NCKAP5: variants seen among roughly 807,000 people sequenced by gnomAD.
NCKAP5 encodes the protein nck-associated protein 5.
NCKAP5 carries 92 observed loss-of-function variants against 167.0 expected under a neutral mutation model. The observed-to-expected ratio is 0.55, with a 90% confidence interval of 0.47 to 0.66. The LOEUF (loss-of-function observed/expected upper bound fraction) is 0.66. Among genes scored for constraint, NCKAP5 ranks in the 30% least tolerant of loss-of-function variants. NCKAP5 has a pLI of 0.00. For synonymous variants in NCKAP5, 891 were observed against 877.4 expected (o/e 1.02, Z -0.27); for missense variants, 2,378 against 2,315.0 (o/e 1.03, Z -0.56).
chr2:133,552,743 A>G (rs944714244), intron 2 of NCKAP5, among the ~76,000 whole-genome samples: 3 of 135,498 alleles, frequency 2.2e-5, no homozygotes, highest in Non-Finnish European at 5.0e-5. Context: ...CTTAAAGTAT[A>G]ATAAAAAAAA....
At chr2:133,249,998 T>TTTATTATTATCATTATTA (rs1553601548) in intron 4 of NCKAP5, among the ~76,000 whole-genome samples, 1 of 138,226 alleles carries the variant, frequency 7.2e-6, no homozygotes, top group Admixed American at 7.3e-5. Flanking sequence ...CACCAAGGGT[T>TTTATTATTATCATTATTA]TTATTATTAT....
intron 11 of NCKAP5, among the ~76,000 whole-genome samples, chr2:132,806,935 G>A (rs1685485746): frequency 6.6e-6 from 1 of 152,088 alleles, no homozygotes; most frequent in South Asian, 2.1e-4. Context: ...ATTTTTGTAT[G>A]AGGCGAGAGG....
intron 11 of NCKAP5, among the ~76,000 whole-genome samples, chr2:132,827,569 G>A (rs776121538): frequency 3.7e-4 from 57 of 152,240 alleles, no homozygotes; most frequent in Non-Finnish European, 7.2e-4. Flanking sequence ...CTATGGGGTG[G>A]ATAGCATTAT....
chr2:133,149,579 C>G (rs17793177), intron 5 of NCKAP5, among the ~76,000 whole-genome samples: 11,724 of 152,056 alleles, frequency 0.077, 611 homozygotes, highest in Non-Finnish European at 0.1. Flanking sequence ...TTAACTACAA[C>G]GATGCCCCAA....
intron 3 of NCKAP5, among the ~76,000 whole-genome samples, chr2:133,358,900 C>G (rs770470785): frequency 2.0e-5 from 3 of 152,086 alleles, no homozygotes; most frequent in African/African-American, 7.2e-5. Flanking sequence ...TTGCAAGAAA[C>G]GTGTTAAAGC....
At chr2:133,475,641 C>T (rs1679816419) in intron 3 of NCKAP5, among the ~76,000 whole-genome samples, 1 of 152,198 alleles carries the variant, frequency 6.6e-6, no homozygotes, top group Non-Finnish European at 1.5e-5. Flanking sequence ...TGGATTTCCT[C>T]AGTGACATGT....
intron 16 of NCKAP5, among the ~76,000 whole-genome samples, chr2:132,732,895 CCACTTAT>C (rs1179264491): frequency 6.6e-6 from 1 of 152,186 alleles, no homozygotes; most frequent in East Asian, 1.9e-4. Context: ...CATCATAACA[CCACTTAT>C]CATGTGGACT....
intron 6 of NCKAP5, among the ~76,000 whole-genome samples, chr2:133,040,735 C>A (rs545082787): frequency 2.6e-5 from 4 of 152,240 alleles, no homozygotes; most frequent in East Asian, 3.9e-4. Flanking sequence ...GGCATCTTAT[C>A]TCAGGCATCT....
At chr2:133,008,493 G>A (rs1189781168) in intron 6 of NCKAP5, among the ~76,000 whole-genome samples, 1 of 152,202 alleles carries the variant, frequency 6.6e-6, no homozygotes, top group Non-Finnish European at 1.5e-5. Context: ...TGGAAAAGCA[G>A]CCTGTACTTG....
At chr2:133,558,477 C>T (rs937992408) in intron 2 of NCKAP5, among the ~76,000 whole-genome samples, 2 of 151,754 alleles carry the variant, frequency 1.3e-5, no homozygotes, top group African/African-American at 4.8e-5. Context: ...AGGAAGGGAG[C>T]AGCCAGGGAA....
At chr2:132,790,244 A>G (rs759998780) in intron 12 of NCKAP5, 39 bp from the exon 13 acceptor site, 27 of 1,559,016 alleles carry the variant, frequency 1.7e-5, no homozygotes. Context: ...GGCTTTGCTC[A>G]GAGGAGAGTA....
chr2:133,595,680 A>T, the NCKAP5 span, among the ~76,000 whole-genome samples: 1 of 152,034 alleles, frequency 6.6e-6, no homozygotes, highest in Non-Finnish European at 1.5e-5. Context: ...CAAGGTTACC[A>T]AACTGTTTCT....
intron 5 of NCKAP5, among the ~76,000 whole-genome samples, chr2:133,212,093 G>A (rs2086234355): frequency 1.3e-5 from 2 of 152,164 alleles, no homozygotes; most frequent in African/African-American, 4.8e-5. Context: ...GATCCACTAA[G>A]TTAAAGGAAT....
At chr2:132,715,744 G>A (rs900177752) in intron 19 of NCKAP5, among the ~76,000 whole-genome samples, 3 of 152,218 alleles carry the variant, frequency 2.0e-5, no homozygotes, top group African/African-American at 4.8e-5. Flanking sequence ...AAGTCTGAAA[G>A]TCCCAGACAG....
chr2:132,867,250 G>A (rs1690429491), intron 10 of NCKAP5, among the ~76,000 whole-genome samples: 1 of 152,028 alleles, frequency 6.6e-6, no homozygotes, highest in Non-Finnish European at 1.5e-5. Context: ...GTTGTACACA[G>A]AGCTGCAATA....
chr2:133,104,700 C>T (rs747130336), intron 6 of NCKAP5, among the ~76,000 whole-genome samples: 1 of 152,204 alleles, frequency 6.6e-6, no homozygotes, highest in Non-Finnish European at 1.5e-5. Context: ...ACAAAGGTAT[C>T]CTTATTCATC....
chr2:132,812,060 T>C (rs780862608), intron 11 of NCKAP5, among the ~76,000 whole-genome samples: 8 of 152,192 alleles, frequency 5.3e-5, no homozygotes, highest in Non-Finnish European at 1.0e-4. Context: ...TGGTGGTGTG[T>C]GTTTGGGAGA....
At chr2:132,696,349 T>A (rs1224559997) in intron 19 of NCKAP5, among the ~76,000 whole-genome samples, 3 of 152,230 alleles carry the variant, frequency 2.0e-5, no homozygotes, top group African/African-American at 7.2e-5. Flanking sequence ...GTTAATGCTA[T>A]TATTATTTTT....
At chr2:133,066,223 C>T (rs2080190467) in intron 6 of NCKAP5, among the ~76,000 whole-genome samples, 1 of 152,212 alleles carries the variant, frequency 6.6e-6, no homozygotes, top group South Asian at 2.1e-4. Context: ...AATTACCAAA[C>T]TGTAGAAGCT....
Sources: gnomAD v4.1 joint callset for allele counts (sites outside exome capture counted in the v4.1 genomes callset) on GRCh38, gnomAD v4.1.1 for gene constraint, MANE v1.5 for transcripts, NCBI Gene and HGNC (gene_info 2026-07-23, HGNC 2026-07-21) for gene names.